Variants in MCTP1 observed in about 807,000 individuals in gnomAD.
MCTP1 encodes the protein multiple C2 and transmembrane domain-containing protein 1.
In MCTP1, 69 loss-of-function variants were observed where a neutral mutation model predicts 120.6. The observed-to-expected ratio is 0.57, with a 90% confidence interval of 0.47 to 0.70. The LOEUF is 0.70. Among genes scored for constraint, MCTP1 ranks in the 30% least tolerant of loss-of-function variants. MCTP1 has a pLI of 0.00. For synonymous variants in MCTP1, 529 were observed against 493.1 expected (o/e 1.07, Z -0.96); for missense variants, 1,203 against 1,248.8 (o/e 0.96, Z 0.55).
rs1314584783 is a variant in MCTP1 at position 94,704,569 on chromosome 5, G to A, written c.*2927C>T. The stretch of plus-strand genomic sequence containing the variant: ...TCTGAGTTTTTCTTCACTTTTAAAT[G>A]CAGAATAAAAATTTTATAAAAGATA... On this transcript the variant is annotated 3_prime_UTR_variant, in exon 23 of 23. Transcript: ENST00000515393. The A allele has an allele frequency of 1.4e-5, 2 of 148,014 alleles. No homozygotes were observed. Among genetic ancestry groups the A allele is most frequent in the Non-Finnish European group, 3.0e-5 (2 of 67,510 alleles). The allele number at this position is 148,014 out of a possible 1,614,324, so 9.2% of individuals were successfully genotyped here. A position where few individuals can be genotyped will look rare whatever the true frequency, so the allele number is the denominator to read the frequency against.
chr5:94,957,080 C>T (rs1231602858), intron 2 of MCTP1, among the ~76,000 whole-genome samples: 3 of 152,172 alleles, frequency 2.0e-5, no homozygotes, highest in Non-Finnish European at 4.4e-5. Flanking sequence ...TGCAGAAATT[C>T]TACAAGCCAG....
intron 19 of MCTP1, among the ~76,000 whole-genome samples, chr5:94,752,968 GT>G (rs1169221638): frequency 1.3e-5 from 2 of 152,224 alleles, no homozygotes; most frequent in African/African-American, 4.8e-5. Context: ...CCTCATCCAA[GT>G]TTTGAAGTTT....
chr5:94,712,594 A>G lies in MCTP1; in HGVS notation c.2721-1667T>C, dbSNP rs368506605. ...TTGTTTCCTAAAATTTTTTTCTACT[A>G]AAAGAGCCAATGTTGGGTCAATCTG... On this transcript the variant is annotated intron_variant, in intron 20 of 22. Coordinates refer to ENST00000515393, the MANE Select transcript of MCTP1 (RefSeq NM_024717.7). Among the ~76,000 whole-genome samples, 180 of 152,140 alleles carry G rather than the reference A, an allele frequency of 1.2e-3. 6 individuals are homozygous for G. In the South Asian group the frequency reaches 0.037, roughly 31 times the overall value.
chr5:95,167,311 A>G (rs1216458902), intron 1 of MCTP1, among the ~76,000 whole-genome samples: 1 of 152,140 alleles, frequency 6.6e-6, no homozygotes, highest in Non-Finnish European at 1.5e-5. Flanking sequence ...TCTATCATTG[A>G]TGGACATTTG....
intron 5 of MCTP1, among the ~76,000 whole-genome samples, chr5:94,939,405 A>C (rs1213014132): frequency 6.6e-6 from 1 of 152,004 alleles, no homozygotes; most frequent in African/African-American, 2.4e-5. Context: ...GAGTCCAATA[A>C]ATAATCTCTG....
At chr5:95,233,876 G>C (rs1206305217) in intron 1 of MCTP1, among the ~76,000 whole-genome samples, 2 of 151,872 alleles carry the variant, frequency 1.3e-5, no homozygotes, top group Non-Finnish European at 2.9e-5. Flanking sequence ...GCAGAAAAAA[G>C]GAAACAGCAA....
chr5:95,110,965 A>G (rs1033889097), intron 1 of MCTP1, among the ~76,000 whole-genome samples: 2 of 152,204 alleles, frequency 1.3e-5, no homozygotes, highest in Admixed American at 6.5e-5. Context: ...CCTCTTTCCC[A>G]GTAGTAGGCT....
At chr5:94,840,841 G>T (rs1384051533) in intron 17 of MCTP1, among the ~76,000 whole-genome samples, 4 of 152,170 alleles carry the variant, frequency 2.6e-5, no homozygotes, top group Non-Finnish European at 5.9e-5. Context: ...GAATATAAGA[G>T]ATTTGTTTTG....
intron 1 of MCTP1, among the ~76,000 whole-genome samples, chr5:95,211,495 A>G (rs189627405): frequency 1.3e-5 from 2 of 152,018 alleles, no homozygotes; most frequent in African/African-American, 2.4e-5. Context: ...CATTCTTCAC[A>G]TAGTTCTCGA....
chr5:95,282,838 CT>C (rs1161783172), intron 1 of MCTP1, among the ~76,000 whole-genome samples: 3 of 152,222 alleles, frequency 2.0e-5, no homozygotes, highest in Non-Finnish European at 4.4e-5. Context: ...GTATCTTACC[CT>C]TCAAACACAG....
chr5:95,094,181 T>C (rs536827065), intron 1 of MCTP1, among the ~76,000 whole-genome samples: 196 of 152,320 alleles, frequency 1.3e-3, no homozygotes, highest in African/African-American at 4.6e-3. Flanking sequence ...TATGCAGCAA[T>C]AGGTAACTGG....
intron 2 of MCTP1, among the ~76,000 whole-genome samples, chr5:94,972,097 T>A (rs939172880): frequency 1.3e-5 from 2 of 152,056 alleles, no homozygotes; most frequent in African/African-American, 4.8e-5. Flanking sequence ...ATCCTCTAAG[T>A]CCTAATGGAA....
At position 94,945,935 on chromosome 5, in the gene MCTP1, G is replaced by C. The variant is rs915730208; in HGVS notation, c.982-3508C>G. ...GCTGAAAGTAGTAAGCAAGAGAAGA[G>C]TGCTGGAACATTAGTTCAGGCTTAG... On this transcript the variant is annotated intron_variant, in intron 3 of 22. Coordinates refer to ENST00000515393, the MANE Select transcript of MCTP1 (RefSeq NM_024717.7). 3.9e-5 allele frequency among the ~76,000 whole-genome samples: 6 copies of C among 152,318 alleles called. No individual in the cohort carries two copies. In the East Asian group the frequency reaches 7.7e-4, roughly 20 times the overall value.
chr5:95,113,662 A>C (rs1477370697), intron 1 of MCTP1, among the ~76,000 whole-genome samples: 1 of 152,158 alleles, frequency 6.6e-6, no homozygotes, highest in East Asian at 1.9e-4. Flanking sequence ...TTATCATCGC[A>C]GGCTAAAGTA....
At chr5:95,170,702 A>G (rs1747146057) in intron 1 of MCTP1, among the ~76,000 whole-genome samples, 1 of 152,026 alleles carries the variant, frequency 6.6e-6, no homozygotes, top group African/African-American at 2.4e-5. Context: ...GTTGGTTTAA[A>G]GTCTGTTTTA....
chr5:95,027,868 A>G (rs1019023271), intron 1 of MCTP1, among the ~76,000 whole-genome samples: 4 of 152,250 alleles, frequency 2.6e-5, no homozygotes, highest in African/African-American at 9.6e-5. Flanking sequence ...CCAAGGATCA[A>G]GAGAGCAACC....
chr5:95,217,197 A>C (rs1753135488), intron 1 of MCTP1, among the ~76,000 whole-genome samples: 1 of 152,224 alleles, frequency 6.6e-6, no homozygotes, highest in Non-Finnish European at 1.5e-5. Flanking sequence ...AAATATTCCT[A>C]GCATATACTG....
At chr5:94,804,087 A>G (rs1273273355) in intron 17 of MCTP1, among the ~76,000 whole-genome samples, 1 of 152,224 alleles carries the variant, frequency 6.6e-6, no homozygotes, top group Non-Finnish European at 1.5e-5. Flanking sequence ...CAAACTGCTA[A>G]CAAAATCATC....
At chr5:94,753,961 T>G (rs1026258320) in intron 19 of MCTP1, among the ~76,000 whole-genome samples, 1 of 152,028 alleles carries the variant, frequency 6.6e-6, no homozygotes, top group African/African-American at 2.4e-5. Context: ...AGAGGCATGG[T>G]GATAGTTACA....
Sources: allele counts gnomAD v4.1 joint callset (sites outside exome capture counted in the v4.1 genomes callset), GRCh38; gene constraint gnomAD v4.1.1; transcripts MANE v1.5; gene names NCBI Gene and HGNC (gene_info 2026-07-23, HGNC 2026-07-21).